TEN1: variants seen among roughly 807,000 people sequenced by gnomAD.
The protein encoded by TEN1 is CST complex subunit TEN1.
A neutral mutation model predicts 9.3 loss-of-function variants in TEN1; 6 were observed. The observed-to-expected ratio is 0.65, with a 90% CI of 0.35 to 1.27. The LOEUF is 1.27. Among genes scored for constraint, TEN1 ranks in the 50% most tolerant of loss-of-function variants. The pLI, the probability that TEN1 is intolerant of heterozygous loss-of-function variation, is 0.03. For missense variants in TEN1, 149 were observed against 158.2 expected (o/e 0.94, Z 0.31); for synonymous variants, 65 against 65.6 (o/e 0.99, Z 0.04).
chr17:75,980,047 T>C (rs2066105274), intron 1 of TEN1, among the ~76,000 whole-genome samples: 1 of 152,046 alleles, frequency 6.6e-6, no homozygotes, highest in Non-Finnish European at 1.5e-5. Context: ...TGTTAAAACC[T>C]AGTGTAGGGC....
intron 3 of TEN1, among the ~76,000 whole-genome samples, chr17:75,992,412 G>A (rs1387823959): frequency 6.6e-6 from 1 of 151,644 alleles, no homozygotes; most frequent in Non-Finnish European, 1.5e-5. Context: ...AATTTTCTGT[G>A]GAGACAAGGT....
intron 3 of TEN1, among the ~76,000 whole-genome samples, chr17:75,999,903 G>A (rs1359509947): frequency 6.6e-6 from 1 of 152,076 alleles, no homozygotes; most frequent in Non-Finnish European, 1.5e-5. Flanking sequence ...CTTTCCCTCA[G>A]TCCAGAGGGG....
At chr17:75,998,832 A>G (rs762805499) in intron 3 of TEN1, among the ~76,000 whole-genome samples, 2 of 152,072 alleles carry the variant, frequency 1.3e-5, no homozygotes, top group Non-Finnish European at 2.9e-5. Context: ...CTGGGTTTAC[A>G]GGTGCCAGCT....
chr17:75,989,930 A>G (rs1263228216), intron 2 of TEN1, among the ~76,000 whole-genome samples: 3 of 150,754 alleles, frequency 2.0e-5, no homozygotes, highest in African/African-American at 4.9e-5. Flanking sequence ...AAAAAATTAT[A>G]GAGACGGCAT....
chr17:75,993,578 C>T (rs72865836), intron 3 of TEN1, among the ~76,000 whole-genome samples: 33,263 of 152,156 alleles, frequency 0.22, 3,800 homozygotes, highest in Middle Eastern at 0.28. Flanking sequence ...GACCCGCCAG[C>T]AGTGCCTAGG....
chr17:75,995,821 G>T (rs549925404), intron 3 of TEN1, among the ~76,000 whole-genome samples: 67 of 152,290 alleles, frequency 4.4e-4, no homozygotes, highest in Non-Finnish European at 1.0e-4. Flanking sequence ...TTGTGTGGCT[G>T]GGCTCAGGAG....
chr17:75,998,332 G>GA (rs2066229947), intron 3 of TEN1, among the ~76,000 whole-genome samples: 1 of 151,744 alleles, frequency 6.6e-6, no homozygotes, highest in South Asian at 2.1e-4. Flanking sequence ...TTTTAGTAGA[G>GA]ACAGGGTTTT....
chr17:75,980,358 A>C lies in TEN1; in HGVS notation c.-7+847A>C, dbSNP rs555298548. 9.9e-5 allele frequency among the ~76,000 whole-genome samples: 15 copies of C among 152,190 alleles called. No individual in the cohort carries two copies. The East Asian group carries it at 2.5e-3, about 26-fold the overall frequency. On this transcript the variant is annotated intron_variant, in intron 1 of 3. Transcript: ENST00000397640. ...TGTCTCTACAGAAAAAAAACAAAAA[A>C]CAAAAACAGTTCTGCCCAGTGGGAT...
At chr17:75,984,270 TGAG>T (rs766330529) in intron 1 of TEN1, among the ~76,000 whole-genome samples, 9 of 152,234 alleles carry the variant, frequency 5.9e-5, no homozygotes, top group African/African-American at 9.6e-5. Flanking sequence ...ACTATGACTC[TGAG>T]GAGGAGATCT....
rs1567893265 is a variant in TEN1, at chr17:75,979,499, A to T, written c.-19A>T. 3.1e-6 allele frequency: 1 copy of T among 326,974 alleles called. No homozygotes were observed. Among genetic ancestry groups the T allele is most frequent in the Non-Finnish European group, 6.0e-6 (1 of 167,004 alleles). 20.3% of individuals were successfully genotyped at this position (326,974 alleles called of 1,614,324 possible). On this transcript the variant is annotated 5_prime_UTR_variant, in exon 1 of 4. Transcript: ENST00000397640. The stretch of plus-strand genomic sequence containing the variant: ...GAAAGAAGAAATCCGAGGACCGGCG[A>T]CGCCTAGAACAGGTTGGCTGGGGCC...
chr17:75,986,372 T>A (rs1173110025), intron 2 of TEN1, 88 bp downstream of exon 2: 2 of 1,205,016 alleles, frequency 1.7e-6, no homozygotes, highest in African/African-American at 3.2e-5. Context: ...TAGAAAAGAT[T>A]TTTATAACTT....
intron 3 of TEN1, among the ~76,000 whole-genome samples, chr17:75,994,502 C>T (rs2066207220): frequency 6.6e-6 from 1 of 151,650 alleles, no homozygotes; most frequent in African/African-American, 2.4e-5. Context: ...CGGAGTCTCA[C>T]TCTCTCACTC....
At chr17:75,999,951 C>A (rs997633100) in intron 3 of TEN1, among the ~76,000 whole-genome samples, 190 bp from the exon 4 acceptor site, 3 of 152,148 alleles carry the variant, frequency 2.0e-5, no homozygotes, top group Non-Finnish European at 4.4e-5. Flanking sequence ...CACGGGCCGA[C>A]TGTGCATGAC....
At chr17:75,990,174 T>C (rs1180057072) in intron 2 of TEN1, among the ~76,000 whole-genome samples, 3 of 151,838 alleles carry the variant, frequency 2.0e-5, no homozygotes, top group Admixed American at 6.6e-5. Context: ...GCCTCCCAAG[T>C]ATCTGGGACC....
At chr17:75,994,383 G>A (rs1388756546) in intron 3 of TEN1, among the ~76,000 whole-genome samples, 2 of 149,614 alleles carry the variant, frequency 1.3e-5, no homozygotes, top group African/African-American at 2.5e-5. Context: ...GCTGTGAGCC[G>A]AGATCGCACC....
rs1394908791 is a variant in TEN1 at position 75,980,685 on chromosome 17, A to T, written c.-7+1174A>T. Among the ~76,000 whole-genome samples the T allele has an allele frequency of 3.3e-5, 5 of 152,284 alleles. No individual in the cohort carries two copies. In the East Asian group the frequency reaches 9.6e-4, roughly 29 times the overall value. On this transcript the variant is annotated intron_variant, in intron 1 of 3. Coordinates refer to ENST00000397640, the MANE Select transcript of TEN1 (RefSeq NM_001113324.3). ...TGATCCACCTGCCTCGGCCTCCCAA[A>T]GCGCCGGGATTACAGGCGTGAGCCG...
chr17:75,999,579 G>C (rs2066240384), intron 3 of TEN1, among the ~76,000 whole-genome samples: 1 of 152,112 alleles, frequency 6.6e-6, no homozygotes, highest in Non-Finnish European at 1.5e-5. Context: ...CTGACCTCAA[G>C]TGTTCCACAT....
At chr17:75,989,062 C>T (rs889853630) in intron 2 of TEN1, among the ~76,000 whole-genome samples, 6 of 151,788 alleles carry the variant, frequency 4.0e-5, no homozygotes, top group South Asian at 2.1e-4. Flanking sequence ...TGAGCCACCA[C>T]GCCCGGCCTA....
chr17:75,981,273 G>A (rs1344484419), intron 1 of TEN1, among the ~76,000 whole-genome samples: 15 of 151,432 alleles, frequency 9.9e-5, no homozygotes, highest in Admixed American at 7.3e-4. Context: ...TGCAACCTCC[G>A]CCTCCTGGGT....
Sources: gnomAD v4.1 joint callset for allele counts (sites outside exome capture counted in the v4.1 genomes callset) on GRCh38, gnomAD v4.1.1 for gene constraint, MANE v1.5 for transcripts, NCBI Gene and HGNC (gene_info 2026-07-23, HGNC 2026-07-21) for gene names.